The following LMBR1L variants were observed in gnomAD, a reference collection of about 807,000 sequenced individuals.
LMBR1L encodes protein LMBR1L.
In LMBR1L, 47 loss-of-function variants were observed where a neutral mutation model predicts 67.3. The ratio of observed to expected loss-of-function variants is 0.70; its 90% confidence interval spans 0.55 to 0.89. LMBR1L has a LOEUF of 0.89. LMBR1L is among the 40% of genes least tolerant of loss of function. The probability of loss-of-function intolerance (pLI) is 0.00; values close to 1 mark genes in which losing one functional copy is unlikely to be tolerated. For missense variants in LMBR1L, 533 were observed against 599.2 expected, an observed-to-expected ratio of 0.89 and a Z score of 1.15; for synonymous variants, 247 against 250.3, an observed-to-expected ratio of 0.99 and a Z score of 0.13.
At chr12:49,102,023 A>T in intron 11 of LMBR1L, 97 bp downstream of exon 11, 1 of 1,032,898 alleles carries the variant, frequency 9.7e-7, no homozygotes, top group Non-Finnish European at 1.5e-6. Flanking sequence ...AACCACTATT[A>T]CTGATGATAA....
chr12:49,107,164 A>G (rs1342793620), intron 1 of LMBR1L, 119 bp from the exon 2 acceptor site: 1 of 692,052 alleles, frequency 1.4e-6, no homozygotes, highest in East Asian at 2.6e-5. Context: ...CATACTTCCA[A>G]GGGTTCCATC....
At chr12:49,105,199 G>T in intron 3 of LMBR1L, 1 of 327,780 alleles carries the variant, frequency 3.1e-6, no homozygotes, top group Non-Finnish European at 5.7e-6. Context: ...GTTATGCCAG[G>T]TATGATGCCA....
Position 49,103,696 on chromosome 12 carries a change from A to C in LMBR1L, c.553T>G (p.Ser185Ala). The change falls in exon 6 of 17, where the codon TCA becomes GCA. Residue 185 changes from serine (S) to alanine (A), a missense_variant. By Grantham distance (99) the Ser-to-Ala change is moderately conservative. Transcript: ENST00000267102. ...IVDKNKANRE[S>A]LYDFWEYYLP... Reference sequence around the variant, plus strand: ...AAGCTGGGCCGCTCACCATAGAGTGACTCTCTGTTGGCCTTGTTCTTGTCC... The same window carrying C: ...AAGCTGGGCCGCTCACCATAGAGTGCCTCTCTGTTGGCCTTGTTCTTGTCC... 6.2e-7 allele frequency: 1 copy of C among 1,613,302 alleles called. No individual in the cohort carries two copies. The highest frequency in any genetic ancestry group is 1.3e-5 in the African/African-American group (1 of 74,926).
Position 49,097,329 on chromosome 12 carries a change from C to G in LMBR1L, c.*343G>C, listed in dbSNP as rs2120860689. ...TGCCCTGGCCCAGTCCTTTCCCTGCCCCTACCCCACCCTATTGCACATCAA... is the reference window on the plus strand; with the variant it reads ...TGCCCTGGCCCAGTCCTTTCCCTGCGCCTACCCCACCCTATTGCACATCAA... On this transcript the variant is annotated 3_prime_UTR_variant, in exon 17 of 17. Transcript: ENST00000267102. 1.8e-5 allele frequency: 5 copies of G among 282,316 alleles called. No homozygotes were observed. In the East Asian group the frequency reaches 3.5e-4, roughly 20 times the overall value. The allele number at this position is 282,316 out of a possible 1,614,324, so 17.5% of individuals were successfully genotyped here.
In LMBR1L at chr12:49,104,637, G is replaced by A. The variant is rs1940657554; in HGVS notation, c.332-86C>T. ...TGACCATTTGCAGGAGAAGCAGAGT[G>A]GGAAGGTGCGACATATGACTGCTTG... is the stretch of plus-strand genomic sequence containing the variant. On this transcript the variant is annotated intron_variant, in intron 4 of 16. Coordinates refer to ENST00000267102, the MANE Select transcript of LMBR1L (RefSeq NM_018113.4). 6 of 1,562,502 alleles carry A rather than the reference G, an allele frequency of 3.8e-6. No homozygotes were observed. In the Admixed American group the frequency reaches 6.8e-5, roughly 18 times the overall value.
chr12:49,098,001 G>A lies in LMBR1L; in HGVS notation c.1345C>T (p.Leu449Phe). 2 of 1,614,186 alleles carry A rather than the reference G, an allele frequency of 1.2e-6. No individual in the cohort carries two copies. Among genetic ancestry groups the A allele is most frequent in the Non-Finnish European group, 1.7e-6 (2 of 1,180,020 alleles). ...YNAAFAGLTT[L>F]CLVKTFTAAV... ...GCAGTGAAGGTCTTCACCAGACAGA[G>A]TGTGGTGAGGCCTGCAAAGGCTGCG... Residue 449 changes from leucine (L) to phenylalanine (F), a missense_variant, in exon 16 of 17, where the codon CTC (leucine) becomes TTC (phenylalanine). Transcript: ENST00000267102.
At position 49,104,894 on chromosome 12, in the gene LMBR1L, A is replaced by C; in HGVS notation, c.192-9T>G. 3 of 1,607,186 alleles carry C rather than the reference A, an allele frequency of 1.9e-6. No homozygotes were observed. Among genetic ancestry groups the C allele is most frequent in the Non-Finnish European group, 2.5e-6 (3 of 1,177,340 alleles). On this transcript the variant is annotated splice_polypyrimidine_tract_variant and intron_variant, in intron 3 of 16. Coordinates refer to ENST00000267102, the MANE Select transcript of LMBR1L (RefSeq NM_018113.4). ...AGGTGCACAGCTCGAGCCTGGGCAGAGAAGGGGACAGTGTCCTTGCTTAGC... is the reference window on the plus strand; with the variant it reads ...AGGTGCACAGCTCGAGCCTGGGCAGCGAAGGGGACAGTGTCCTTGCTTAGC...
At chr12:49,098,224 TC>T in intron 15 of LMBR1L, 119 bp from the exon 16 acceptor site, 3 of 1,057,520 alleles carry the variant, frequency 2.8e-6, no homozygotes, top group South Asian at 3.0e-5. Context: ...GGTTGGCCTC[TC>T]CCAATTCTAC....
chr12:49,106,443 TGG>T, intron 2 of LMBR1L: 1 of 554,650 alleles, frequency 1.8e-6, no homozygotes, highest in Non-Finnish European at 3.1e-6. Flanking sequence ...AGCTAGGAAC[TGG>T]GGCAAGTGTG....
At chr12:49,110,256 G>A (rs1451977890) in intron 1 of LMBR1L, 3 of 593,806 alleles carry the variant, frequency 5.1e-6, no homozygotes, top group Non-Finnish European at 9.0e-6. Flanking sequence ...GGAGGGGCGT[G>A]TGGGGGAGGA....
chr12:49,106,694 G>T, intron 2 of LMBR1L: 1 of 1,137,676 alleles, frequency 8.8e-7, no homozygotes, highest in Non-Finnish European at 1.3e-6. Flanking sequence ...CATCTCCTTT[G>T]GTCCACACAA....
intron 15 of LMBR1L, among the ~76,000 whole-genome samples, chr12:49,099,675 G>T (rs199902247): frequency 6.6e-6 from 1 of 151,164 alleles, no homozygotes; most frequent in African/African-American, 2.4e-5. Context: ...TTTGCCTCCC[G>T]GGTTCAAGTG....
chr12:49,110,618 AGCC>A lies in LMBR1L; in HGVS notation c.-66_-64del. 9 of 1,485,458 alleles carry A rather than the reference AGCC, an allele frequency of 6.1e-6. No homozygotes were observed. Among genetic ancestry groups the A allele is most frequent in the Non-Finnish European group, 8.5e-6 (9 of 1,064,960 alleles). The allele number at this position is 1,485,458 out of a possible 1,614,324, so 92.0% of individuals were successfully genotyped here. On this transcript the variant is annotated 5_prime_UTR_variant, in exon 1 of 17. Transcript: ENST00000267102. Reference sequence around the variant, plus strand: ...GCCCGGGGAGGACGAGCGGGGAGGAAGCCGCCGCCGCCAAGCACCCAGACCCAG... The same window carrying A: ...GCCCGGGGAGGACGAGCGGGGAGGAAGCCGCCGCCAAGCACCCAGACCCAG...
intron 2 of LMBR1L, chr12:49,106,225 C>T (rs769178695): frequency 7.5e-6 from 4 of 536,842 alleles, no homozygotes; most frequent in Admixed American, 6.6e-5. Flanking sequence ...TCTCCCATCA[C>T]AAGTTCCTCT....
chr12:49,107,468 C>T (rs1378857060), intron 1 of LMBR1L, among the ~76,000 whole-genome samples: 4 of 152,210 alleles, frequency 2.6e-5, no homozygotes, highest in African/African-American at 9.7e-5. Context: ...GGGAGGAAGA[C>T]GTCTGCATTG....
At position 49,103,798 on chromosome 12, in the gene LMBR1L, C is replaced by A. The variant is rs1442760778; in HGVS notation, c.451G>T (p.Val151Phe). 4.3e-6 allele frequency: 7 copies of A among 1,613,232 alleles called. No individual in the cohort carries two copies. Among genetic ancestry groups the A allele is most frequent in the Admixed American group, 1.7e-5 (1 of 59,864 alleles). ...AGSRKGVLGR[V>F]YETVVMLMLL... ...ATCAACATCACCACTGTCTCATAGA[C>A]CCGGCCCAGGACACCCTACGGGAGG... Residue 151 changes from valine to phenylalanine, a missense_variant, in exon 6 of 17, where the codon GTC (valine) becomes TTC (phenylalanine). Coordinates refer to ENST00000267102, the MANE Select transcript of LMBR1L (RefSeq NM_018113.4).
chr12:49,110,356 C>T, intron 1 of LMBR1L, 128 bp downstream of exon 1: 1 of 837,948 alleles, frequency 1.2e-6, no homozygotes, highest in Non-Finnish European at 2.0e-6. Flanking sequence ...TCTGCCCGGA[C>T]GGAGGCCTCC....
intron 6 of LMBR1L, 40 bp from the exon 7 acceptor site, chr12:49,103,199 T>C: frequency 6.4e-7 from 1 of 1,555,144 alleles, no homozygotes; most frequent in Non-Finnish European, 8.9e-7. Context: ...TCATCTCTCC[T>C]TACTTACTGT....
At chr12:49,103,249 G>T in intron 6 of LMBR1L, 90 bp from the exon 7 acceptor site, 1 of 1,078,218 alleles carries the variant, frequency 9.3e-7, no homozygotes, top group Non-Finnish European at 1.4e-6. Context: ...CAAGGGCACA[G>T]TCCCCACAGG....
Sources: gnomAD v4.1 joint callset for allele counts (sites outside exome capture counted in the v4.1 genomes callset) on GRCh38, gnomAD v4.1.1 for gene constraint, MANE v1.5 for transcripts, NCBI Gene and HGNC (gene_info 2026-07-23, HGNC 2026-07-21) for gene names.